The following COL12A1 variants were observed in gnomAD, a reference collection of about 807,000 sequenced individuals.
COL12A1 encodes the protein collagen type XII alpha 1 chain, also known as collagen alpha-1(XII) chain.
A neutral mutation model predicts 349.7 loss-of-function variants in COL12A1; 114 were observed. The ratio of observed to expected loss-of-function variants is 0.33; its 90% CI spans 0.28 to 0.38. The LOEUF is 0.38. Among genes scored for constraint, COL12A1 ranks in the 10% least tolerant of loss-of-function variants. COL12A1 has a pLI of 1.00. For missense variants in COL12A1, 3,284 were observed against 3,756.9 expected (o/e 0.87, Z 3.29); for synonymous variants, 1,369 against 1,329.0 (o/e 1.03, Z -0.66).
chr6:75,152,715 T>G (rs1399900092), intron 17 of COL12A1, among the ~76,000 whole-genome samples: 1 of 152,176 alleles, frequency 6.6e-6, no homozygotes, highest in Non-Finnish European at 1.5e-5. Flanking sequence ...TGGCCAATCT[T>G]TCCTTTATCT....
At chr6:75,164,394 AC>A (rs1441690348) in intron 14 of COL12A1, among the ~76,000 whole-genome samples, 1 of 152,168 alleles carries the variant, frequency 6.6e-6, no homozygotes, top group Non-Finnish European at 1.5e-5. Flanking sequence ...CAGAAAAATC[AC>A]CAAATTCCTC....
At chr6:75,087,254 A>T (rs1382605069) in intron 65 of COL12A1, 1 of 348,830 alleles carries the variant, frequency 2.9e-6, no homozygotes, top group Non-Finnish European at 4.9e-6. Flanking sequence ...GTATTTAACA[A>T]ATCCCTGTTC....
In COL12A1 at chr6:75,090,796, C is replaced by T. The variant is rs2012231560; in HGVS notation, c.8753-498G>A. ...GCATGGTGCAGGAACTCACTTCTAACAAGCAACATAAGTGATTCTAAGGCA... is the reference window on the plus strand; with the variant it reads ...GCATGGTGCAGGAACTCACTTCTAATAAGCAACATAAGTGATTCTAAGGCA... On this transcript the variant is annotated intron_variant, in intron 62 of 65. Transcript: ENST00000322507. This position sits in a 1 kb window ranked among gnomAD's most constrained non-coding sequence, Gnocchi z 4.1. Among the ~76,000 whole-genome samples the T allele has an allele frequency of 1.3e-5, 2 of 152,208 alleles. No homozygotes were observed. The highest frequency in any genetic ancestry group is 2.4e-5 in the African/African-American group (1 of 41,456).
intron 54 of COL12A1, 29 bp from the exon 55 acceptor site, chr6:75,103,839 G>T: frequency 6.4e-7 from 1 of 1,553,034 alleles, no homozygotes; most frequent in Non-Finnish European, 8.7e-7. Context: ...ATAGTAGTGT[G>T]AACATAGGAA....
In COL12A1 at chr6:75,156,347, G is replaced by C; in HGVS notation, c.3160C>G (p.Arg1054Gly). The C allele has an allele frequency of 6.2e-7, 1 of 1,613,848 alleles. No individual in the cohort carries two copies. The highest frequency in any genetic ancestry group is 8.5e-7 in the Non-Finnish European group (1 of 1,179,866). ...PPTVTSTVLK[R>G]LQPQTTYDIT... ...TCATATGTGGTCTGTGGCTGAAGTC[G>C]CTTTAACACTGTCGAAGTGACTGTG... is the stretch of plus-strand genomic sequence containing the variant. The change falls in exon 15 of 66, where the codon CGA becomes GGA. Residue 1054 changes from arginine (R) to glycine (G), a missense_variant. Physicochemically the swap from Arg to Gly is moderately radical, Grantham distance 125 (BLOSUM62 -2). Coordinates refer to ENST00000322507, the MANE Select transcript of COL12A1 (RefSeq NM_004370.6).
intron 2 of COL12A1, among the ~76,000 whole-genome samples, chr6:75,198,481 ATTG>A (rs1346756136): frequency 1.3e-5 from 2 of 151,296 alleles, no homozygotes; most frequent in African/African-American, 2.4e-5. Flanking sequence ...CATATGTAAT[ATTG>A]TTATTACATA....
At chr6:75,105,501 A>C (rs954889977) in intron 53 of COL12A1, among the ~76,000 whole-genome samples, 13 of 152,158 alleles carry the variant, frequency 8.5e-5, no homozygotes, top group Non-Finnish European at 2.9e-5. Context: ...ACTGACAAAG[A>C]AATGTTTACA....
intron 6 of COL12A1, 24 bp from the exon 7 acceptor site, chr6:75,189,405 A>C: frequency 6.2e-7 from 1 of 1,609,376 alleles, no homozygotes; most frequent in South Asian, 1.1e-5. Flanking sequence ...AAACATGTTC[A>C]TTTACTCTGT....
At chr6:75,121,987 G>A (rs1358464240) in intron 43 of COL12A1, among the ~76,000 whole-genome samples, 2 of 151,738 alleles carry the variant, frequency 1.3e-5, no homozygotes, top group Non-Finnish European at 2.9e-5. Flanking sequence ...AGCCTCCTGA[G>A]TAGCTGGGAC....
chr6:75,117,945 G>C (rs1246160353), intron 46 of COL12A1, among the ~76,000 whole-genome samples: 1 of 152,098 alleles, frequency 6.6e-6, no homozygotes, highest in Non-Finnish European at 1.5e-5. Flanking sequence ...TCTTGAAACT[G>C]ATTTTCTCAG....
chr6:75,186,006 T>C (rs550964730), intron 8 of COL12A1, among the ~76,000 whole-genome samples: 2 of 152,274 alleles, frequency 1.3e-5, no homozygotes, highest in Admixed American at 1.3e-4. Context: ...CCCAAAACTG[T>C]AAGAATCCTG....
intron 32 of COL12A1, 40 bp from the exon 33 acceptor site, chr6:75,134,037 A>C: frequency 1.9e-6 from 3 of 1,588,942 alleles, no homozygotes; most frequent in Non-Finnish European, 2.6e-6. Flanking sequence ...TAATGCTAAC[A>C]ATCAAGCACA....
At chr6:75,122,831 A>T (rs1765813746) in intron 43 of COL12A1, among the ~76,000 whole-genome samples, 1 of 152,232 alleles carries the variant, frequency 6.6e-6, no homozygotes, top group Non-Finnish European at 1.5e-5. Flanking sequence ...ACCTTAATAA[A>T]TCAGTATGTC....
rs2149361484 is a variant in COL12A1, at chr6:75,115,921, A to G, written c.7560T>C (p.Gly2520=). ...GGTTGTATGCTTCAAGCATTTTAAA[A>G]CCTTTACATCAGAAAAGAAAATATT... ...LIYLDGYTSP[G]FKMLEAYNLT... The change falls in exon 49 of 66, where the codon GGT becomes GGC. Residue 2520 remains glycine, a splice_region_variant and synonymous_variant. Coordinates refer to ENST00000322507, the MANE Select transcript of COL12A1 (RefSeq NM_004370.6). 1.9e-6 allele frequency: 3 copies of G among 1,612,486 alleles called. No homozygotes were observed. Among genetic ancestry groups the G allele is most frequent in the Non-Finnish European group, 8.5e-7 (1 of 1,179,392 alleles).
At chr6:75,165,459 A>G in intron 14 of COL12A1, 48 bp downstream of exon 14, 1 of 1,590,260 alleles carries the variant, frequency 6.3e-7, no homozygotes, top group South Asian at 1.1e-5. Context: ...GCTGATAACT[A>G]TTGGGTAGCA....
chr6:75,169,584 G>C (rs1182939879), intron 13 of COL12A1, among the ~76,000 whole-genome samples: 3 of 152,144 alleles, frequency 2.0e-5, no homozygotes, highest in Non-Finnish European at 4.4e-5. Context: ...TGTGTCTTAT[G>C]GTGCTGGGGT....
chr6:75,150,230 T>G (rs1352131382), intron 21 of COL12A1, among the ~76,000 whole-genome samples: 1 of 152,214 alleles, frequency 6.6e-6, no homozygotes, highest in African/African-American at 2.4e-5. Context: ...TTTTTATCAT[T>G]AATTTTCAAA....
At chr6:75,108,938 A>T in intron 52 of COL12A1, 80 bp downstream of exon 52, 1 of 1,416,970 alleles carries the variant, frequency 7.1e-7, no homozygotes, top group East Asian at 2.3e-5. Flanking sequence ...AGAATAAAAT[A>T]AAACTCAAGG....
At chr6:75,164,375 T>C (rs1768175522) in intron 14 of COL12A1, among the ~76,000 whole-genome samples, 1 of 152,158 alleles carries the variant, frequency 6.6e-6, no homozygotes, top group Non-Finnish European at 1.5e-5. Flanking sequence ...TCCCTCTCTC[T>C]TCCTTTGCCA....
Sources: allele counts gnomAD v4.1 joint callset (sites outside exome capture counted in the v4.1 genomes callset), GRCh38; gene constraint gnomAD v4.1.1; non-coding constraint Gnocchi (gnomAD v3.1); transcripts MANE v1.5; gene names NCBI Gene and HGNC (gene_info 2026-07-23, HGNC 2026-07-21).